The following ADGRE3 variants were observed in gnomAD, a reference collection of about 807,000 sequenced individuals.
The protein encoded by ADGRE3 is EGF-like module receptor 3.
A neutral mutation model predicts 80.1 loss-of-function variants in ADGRE3; 88 were observed. The ratio of observed to expected loss-of-function variants is 1.10; its 90% CI spans 0.93 to 1.31. ADGRE3 has a LOEUF of 1.31. ADGRE3 is among the 40% of genes most tolerant of loss of function. The probability of loss-of-function intolerance (pLI) is 0.00; values close to 1 mark genes in which losing one functional copy is unlikely to be tolerated. For missense variants in ADGRE3, 715 were observed against 776.5 expected, an observed-to-expected ratio of 0.92 and a Z score of 0.94; for synonymous variants, 281 against 294.8, an observed-to-expected ratio of 0.95 and a Z score of 0.48.
rs1398249036 is a variant in ADGRE3 at position 14,641,663 on chromosome 19, A to G, written c.1051-47T>C. The G allele has an allele frequency of 2.5e-6, 4 of 1,597,396 alleles. No homozygotes were observed. In the African/African-American group the frequency reaches 5.4e-5, roughly 21 times the overall value. On this transcript the variant is annotated intron_variant, in intron 9 of 15. Transcript: ENST00000253673. ...CACAGTGATGCTTTCCTGCACTGGGATTATGGCTCCCTCCTTGAACTGGGG... is the reference window on the plus strand; with the variant it reads ...CACAGTGATGCTTTCCTGCACTGGGGTTATGGCTCCCTCCTTGAACTGGGG...
At chr19:14,650,151 T>C (rs531492903) in intron 7 of ADGRE3, among the ~76,000 whole-genome samples, 1 of 148,874 alleles carries the variant, frequency 6.7e-6, no homozygotes, top group Admixed American at 6.7e-5. Flanking sequence ...CTCATCTCTC[T>C]CTTTCCACCT....
At chr19:14,620,445 C>CATGTATATATGAATATATATGTATATTA (rs1970517922) in intron 15 of ADGRE3, among the ~76,000 whole-genome samples, 1 of 123,828 alleles carries the variant, frequency 8.1e-6, no homozygotes, top group East Asian at 2.1e-4. Context: ...TATGTATATT[C>CATGTATATATGAATATATATGTATATTA]ATGTATATAT....
rs1970638751 is a variant in ADGRE3 at position 14,623,291 on chromosome 19, A to AAAAAAAT, written c.1920+2200_1920+2201insATTTTTT. 3.6e-4 allele frequency among the ~76,000 whole-genome samples: 8 copies of AAAAAAAT among 22,122 alleles called. 2 individuals carry two copies. The highest frequency in any genetic ancestry group is 1.0e-3 in the African/African-American group (6 of 5,822). The allele number at this position is 22,122 out of a possible 152,430, so 14.5% of individuals were successfully genotyped here. ...TAAATATGCCTAAAATACTTAAAAAAAAAAAAATAAAAAAAAAAAAAAATA... is the reference window on the plus strand; with the variant it reads ...TAAATATGCCTAAAATACTTAAAAAAAAAAAATAAAAAAATAAAAAAAAAAAAAAATA... On this transcript the variant is annotated intron_variant, in intron 15 of 15. Coordinates refer to ENST00000253673, the MANE Select transcript of ADGRE3 (RefSeq NM_032571.5).
intron 13 of ADGRE3, among the ~76,000 whole-genome samples, chr19:14,632,454 G>T (rs992320519): frequency 1.3e-5 from 2 of 152,126 alleles, no homozygotes; most frequent in Non-Finnish European, 2.9e-5. Context: ...ACATTTCCCA[G>T]CCTCCCTTGC....
At chr19:14,620,531 T>TGA (rs1568471310) in intron 15 of ADGRE3, among the ~76,000 whole-genome samples, 44 of 11,624 alleles carry the variant, frequency 3.8e-3, no homozygotes, top group South Asian at 5.6e-3. Context: ...TATGAATATA[T>TGA]ATATTTTATA....
At position 14,669,046 on chromosome 19, in the gene ADGRE3, C is replaced by A. The variant is rs144568038; in HGVS notation, c.26-194G>T. 3.7e-4 allele frequency among the ~76,000 whole-genome samples: 57 copies of A among 152,240 alleles called. 1 individual carries two copies. Among genetic ancestry groups the A allele is most frequent in the African/African-American group, 1.3e-3 (55 of 41,532 alleles). ...AAAATAGGACCACTGTTGGACCCAGCAATCCCACTACTGGATATCTACCCA... is the reference window on the plus strand; with the variant it reads ...AAAATAGGACCACTGTTGGACCCAGAAATCCCACTACTGGATATCTACCCA... On this transcript the variant is annotated intron_variant, in intron 1 of 15. Coordinates refer to ENST00000253673, the MANE Select transcript of ADGRE3 (RefSeq NM_032571.5).
At chr19:14,609,820 AGAGT>A in the ADGRE3 span, among the ~76,000 whole-genome samples, 1 of 150,100 alleles carries the variant, frequency 6.7e-6, no homozygotes, top group African/African-American at 2.5e-5. Context: ...CCTCAGCGAC[AGAGT>A]GAGACTCTGT....
the ADGRE3 span, among the ~76,000 whole-genome samples, chr19:14,612,947 A>G: frequency 1.3e-5 from 2 of 149,432 alleles, no homozygotes; most frequent in African/African-American, 2.5e-5. Flanking sequence ...TTTTTTTGTG[A>G]CAGAGTCTTG....
chr19:14,656,792 G>T (rs1438516672), intron 5 of ADGRE3, among the ~76,000 whole-genome samples: 2 of 152,168 alleles, frequency 1.3e-5, no homozygotes, highest in Admixed American at 6.5e-5. Context: ...TGTTAGAAAA[G>T]AAAATTTGGG....
At chr19:14,650,874 T>C (rs1178382209) in intron 7 of ADGRE3, among the ~76,000 whole-genome samples, 1 of 151,314 alleles carries the variant, frequency 6.6e-6, no homozygotes, top group East Asian at 1.9e-4. Flanking sequence ...TCCCCCACCA[T>C]CCCAAATTGC....
the ADGRE3 span, among the ~76,000 whole-genome samples, chr19:14,606,712 C>T: frequency 0.11 from 16,412 of 150,872 alleles, 981 homozygotes; most frequent in East Asian, 0.18. Flanking sequence ...ATCCTCACAA[C>T]ACTACCAGGA....
chr19:14,636,004 T>TAC (rs796166536), intron 11 of ADGRE3, among the ~76,000 whole-genome samples: 16,394 of 72,488 alleles, frequency 0.23, 3,169 homozygotes, highest in East Asian at 0.49. Flanking sequence ...TCTCTCTTTC[T>TAC]CTTTCTTTCT....
chr19:14,668,122 G>A (rs1053753406), intron 2 of ADGRE3, among the ~76,000 whole-genome samples: 2 of 152,020 alleles, frequency 1.3e-5, no homozygotes, highest in Non-Finnish European at 2.9e-5. Flanking sequence ...ACAGTGGCAC[G>A]TGTCTTTAGT....
Position 14,624,559 on chromosome 19 carries a change from A to G in ADGRE3, c.1920+933T>C, listed in dbSNP as rs374567200. 2.6e-4 allele frequency among the ~76,000 whole-genome samples: 40 copies of G among 151,998 alleles called. No individual in the cohort carries two copies. The South Asian group carries it at 5.6e-3, about 21-fold the overall frequency. ...CTGCTCGAGCTGGGAGATCAAGACCAGCCTGGGCAACATAGGGAGACTCCA... is the reference window on the plus strand; with the variant it reads ...CTGCTCGAGCTGGGAGATCAAGACCGGCCTGGGCAACATAGGGAGACTCCA... On this transcript the variant is annotated intron_variant, in intron 15 of 15. Coordinates refer to ENST00000253673, the MANE Select transcript of ADGRE3 (RefSeq NM_032571.5).
intron 7 of ADGRE3, among the ~76,000 whole-genome samples, chr19:14,650,682 T>C (rs960146583): frequency 2.4e-4 from 18 of 75,904 alleles, no homozygotes; most frequent in East Asian, 7.5e-4. Context: ...TCTCTCTCTC[T>C]CCCCTCTTCC....
At chr19:14,627,926 C>T (rs1450043758) in intron 14 of ADGRE3, among the ~76,000 whole-genome samples, 1 of 151,656 alleles carries the variant, frequency 6.6e-6, no homozygotes, top group Non-Finnish European at 1.5e-5. Context: ...GTCGGGAGTT[C>T]GAGACCAGCC....
chr19:14,662,307 A>G (rs1333424071), intron 3 of ADGRE3, among the ~76,000 whole-genome samples, 189 bp from the exon 4 acceptor site: 2 of 142,358 alleles, frequency 1.4e-5, no homozygotes, highest in African/African-American at 5.3e-5. Context: ...GGAAGCAGAC[A>G]ATGAGACGAG....
intron 15 of ADGRE3, among the ~76,000 whole-genome samples, chr19:14,620,429 A>AAT (rs1302372746): frequency 3.5e-5 from 5 of 141,672 alleles, no homozygotes; most frequent in East Asian, 2.0e-4. Flanking sequence ...TGTATATATG[A>AAT]ATATATATGT....
chr19:14,604,791 C>T, the ADGRE3 span, among the ~76,000 whole-genome samples: 3 of 151,838 alleles, frequency 2.0e-5, no homozygotes, highest in African/African-American at 7.3e-5. Flanking sequence ...TTAAAGTCAC[C>T]AGATAACTTT....
Sources: gnomAD v4.1 joint callset for allele counts (sites outside exome capture counted in the v4.1 genomes callset) on GRCh38, gnomAD v4.1.1 for gene constraint, MANE v1.5 for transcripts, NCBI Gene and HGNC (gene_info 2026-07-23, HGNC 2026-07-21) for gene names.